The following ATRNL1 variants were observed in gnomAD, a reference collection of about 807,000 sequenced individuals.
ATRNL1 encodes the protein attractin like 1, also known as attractin-like protein 1.
In ATRNL1, 95 loss-of-function variants were observed where a neutral mutation model predicts 182.7. That is an observed-to-expected ratio of 0.52 (90% CI 0.44 to 0.62). The LOEUF (loss-of-function observed/expected upper bound fraction) is 0.62. Among genes scored for constraint, ATRNL1 ranks in the 20% least tolerant of loss-of-function variants. The pLI is 0.00. For synonymous variants in ATRNL1, 576 were observed against 568.3 expected (o/e 1.01, Z -0.19); for missense variants, 1,471 against 1,679.5 (o/e 0.88, Z 2.17).
At chr10:115,238,766 G>A (rs1382652469) in intron 9 of ATRNL1, among the ~76,000 whole-genome samples, 1 of 152,096 alleles carries the variant, frequency 6.6e-6, no homozygotes, top group African/African-American at 2.4e-5. Flanking sequence ...GCAGTAGCAA[G>A]AACTTCCACT....
chr10:115,502,814 G>A (rs1849911213), intron 24 of ATRNL1, among the ~76,000 whole-genome samples: 1 of 152,072 alleles, frequency 6.6e-6, no homozygotes, highest in African/African-American at 2.4e-5. Context: ...GATGAGTGCA[G>A]CAAATCACCA....
chr10:115,626,211 A>G (rs193089960), intron 26 of ATRNL1, among the ~76,000 whole-genome samples: 4 of 152,218 alleles, frequency 2.6e-5, no homozygotes, highest in East Asian at 1.9e-4. Flanking sequence ...AATGGCATAC[A>G]TAATCTGTAA....
intron 1 of ATRNL1, among the ~76,000 whole-genome samples, chr10:115,099,449 T>C (rs1441531847): frequency 1.3e-5 from 2 of 152,220 alleles, no homozygotes; most frequent in Non-Finnish European, 2.9e-5. Context: ...CTTGGGGAAA[T>C]AACCTGAGAA....
intron 24 of ATRNL1, among the ~76,000 whole-genome samples, chr10:115,500,950 TAG>T (rs1849801968): frequency 9.2e-6 from 1 of 108,352 alleles, no homozygotes; most frequent in African/African-American, 3.7e-5. Context: ...TTTTTTGAGA[TAG>T]AGTTTCGTTC....
chr10:115,366,751 A>T (rs1379016939), intron 19 of ATRNL1, among the ~76,000 whole-genome samples: 3 of 151,110 alleles, frequency 2.0e-5, no homozygotes, highest in African/African-American at 4.9e-5. Flanking sequence ...TTGTCTGTAA[A>T]GTATTTTATT....
At chr10:115,663,752 G>C (rs1186790004) in intron 26 of ATRNL1, among the ~76,000 whole-genome samples, 1 of 152,062 alleles carries the variant, frequency 6.6e-6, no homozygotes, top group East Asian at 1.9e-4. Flanking sequence ...GCATTGGCTT[G>C]TGTACACACA....
chr10:115,847,039 CTA>C (rs1950945199), intron 27 of ATRNL1, among the ~76,000 whole-genome samples: 1 of 151,882 alleles, frequency 6.6e-6, no homozygotes, highest in Non-Finnish European at 1.5e-5. Context: ...TTTATTTACT[CTA>C]TGTTATTTCT....
At chr10:115,487,513 G>T (rs536792241) in intron 24 of ATRNL1, among the ~76,000 whole-genome samples, 50 of 152,124 alleles carry the variant, frequency 3.3e-4, no homozygotes, top group Admixed American at 4.6e-4. Context: ...ATTGTGAATG[G>T]GAGTTCATTC....
At chr10:115,465,924 T>C (rs980011278) in intron 22 of ATRNL1, among the ~76,000 whole-genome samples, 1 of 151,624 alleles carries the variant, frequency 6.6e-6, no homozygotes. Context: ...TATGGAACAC[T>C]GTTAAGAGTT....
chr10:115,609,732 T>A (rs1857057490), intron 26 of ATRNL1, among the ~76,000 whole-genome samples: 1 of 152,112 alleles, frequency 6.6e-6, no homozygotes, highest in Non-Finnish European at 1.5e-5. Flanking sequence ...AAATCTCAAA[T>A]TTTGGCACTG....
chr10:115,205,161 A>G (rs1273840371), intron 8 of ATRNL1, among the ~76,000 whole-genome samples: 3 of 152,016 alleles, frequency 2.0e-5, no homozygotes, highest in Non-Finnish European at 4.4e-5. Context: ...TATACTACAG[A>G]TAACAGTGAT....
chr10:115,192,083 G>C (rs530085500), intron 8 of ATRNL1, among the ~76,000 whole-genome samples: 1 of 152,000 alleles, frequency 6.6e-6, no homozygotes, highest in Non-Finnish European at 1.5e-5. Context: ...TTGCTGTGCA[G>C]AAGATTTTTT....
intron 26 of ATRNL1, among the ~76,000 whole-genome samples, chr10:115,587,052 C>G (rs1855559275): frequency 6.7e-6 from 1 of 149,792 alleles, no homozygotes; most frequent in Non-Finnish European, 1.5e-5. Flanking sequence ...GGGTGCCTCC[C>G]AGTTAGGCTG....
chr10:115,367,637 CAT>C (rs1554946445), intron 19 of ATRNL1, among the ~76,000 whole-genome samples: 29 of 148,708 alleles, frequency 2.0e-4, no homozygotes, highest in Middle Eastern at 3.3e-3. Context: ...GTTTTTTCCC[CAT>C]CTTTGTGGTT....
chr10:115,590,271 G>C (rs142972740), intron 26 of ATRNL1, among the ~76,000 whole-genome samples: 1 of 152,292 alleles, frequency 6.6e-6, no homozygotes, highest in East Asian at 1.9e-4. Context: ...GCACATGACT[G>C]ACTTTTGTTC....
intron 12 of ATRNL1, 96 bp downstream of exon 12, chr10:115,267,101 C>A: frequency 1.2e-6 from 1 of 820,154 alleles, no homozygotes. Flanking sequence ...TTAGTAGCTA[C>A]AGAAATGAAA....
At chr10:115,410,681 AAG>A (rs1245784709) in intron 20 of ATRNL1, among the ~76,000 whole-genome samples, 2 of 152,054 alleles carry the variant, frequency 1.3e-5, no homozygotes, top group Admixed American at 1.3e-4. Flanking sequence ...TAGGGAAAAA[AAG>A]AGAAAAATAA....
intron 24 of ATRNL1, among the ~76,000 whole-genome samples, chr10:115,502,507 A>G (rs946031256): frequency 9.9e-5 from 15 of 152,142 alleles, no homozygotes; most frequent in African/African-American, 2.7e-4. Flanking sequence ...TTTACAAACA[A>G]GAAGCCCTAG....
intron 20 of ATRNL1, among the ~76,000 whole-genome samples, chr10:115,400,732 A>C (rs997162603): frequency 1.3e-5 from 2 of 152,096 alleles, no homozygotes; most frequent in South Asian, 2.1e-4. Flanking sequence ...GTGAATTTAA[A>C]GTCTGTTTTG....
Sources: allele counts gnomAD v4.1 joint callset (sites outside exome capture counted in the v4.1 genomes callset), GRCh38; gene constraint gnomAD v4.1.1; transcripts MANE v1.5; gene names NCBI Gene and HGNC (gene_info 2026-07-23, HGNC 2026-07-21).